Variants in RPS6KA2 observed in about 807,000 individuals in gnomAD.
The protein encoded by RPS6KA2 is ribosomal protein S6 kinase alpha-2.
In RPS6KA2, 42 loss-of-function variants were observed where a neutral mutation model predicts 91.8. The ratio of observed to expected loss-of-function variants is 0.46; its 90% CI spans 0.36 to 0.59. RPS6KA2 has a LOEUF of 0.59. Ranked by LOEUF, RPS6KA2 falls within the 20% of genes least tolerant of loss-of-function variation. RPS6KA2 has a pLI of 0.00. For synonymous variants in RPS6KA2, 414 were observed against 393.6 expected (o/e 1.05, Z -0.61); for missense variants, 798 against 978.5 (o/e 0.82, Z 2.46).
intron 2 of RPS6KA2, among the ~76,000 whole-genome samples, chr6:166,846,924 CT>C (rs1780621839): frequency 6.6e-6 from 1 of 152,114 alleles, no homozygotes. Context: ...CAAACTGTCA[CT>C]GTTTGCTGAT....
intron 12 of RPS6KA2, among the ~76,000 whole-genome samples, chr6:166,455,639 G>T (rs1780077986): frequency 6.6e-6 from 1 of 152,208 alleles, no homozygotes; most frequent in African/African-American, 2.4e-5. Context: ...TTTAGAAACT[G>T]AAATTCTGCA....
intron 2 of RPS6KA2, among the ~76,000 whole-genome samples, chr6:166,747,368 C>T (rs1008382105): frequency 6.6e-6 from 1 of 152,216 alleles, no homozygotes; most frequent in African/African-American, 2.4e-5. Context: ...CAGATACTGC[C>T]TGCCTCAAGG....
intron 1 of RPS6KA2, among the ~76,000 whole-genome samples, chr6:166,566,253 G>C (rs1253865464): frequency 6.6e-6 from 1 of 152,206 alleles, no homozygotes; most frequent in Non-Finnish European, 1.5e-5. Flanking sequence ...ATGGGGAAGA[G>C]CCTACATCGG....
chr6:166,501,687 A>G (rs1048126091), intron 6 of RPS6KA2, among the ~76,000 whole-genome samples: 1 of 152,322 alleles, frequency 6.6e-6, no homozygotes, highest in Admixed American at 6.5e-5. Flanking sequence ...CCTGAACATC[A>G]GGCGGGAGTC....
chr6:166,722,997 G>A (rs925777730), intron 2 of RPS6KA2, among the ~76,000 whole-genome samples: 4 of 152,212 alleles, frequency 2.6e-5, no homozygotes, highest in South Asian at 4.1e-4. Context: ...ACCGTTAAGC[G>A]ATGCAAGGTT....
chr6:166,775,850 A>C (rs1219325436), intron 2 of RPS6KA2, among the ~76,000 whole-genome samples: 1 of 152,246 alleles, frequency 6.6e-6, no homozygotes, highest in Admixed American at 6.5e-5. Context: ...GCAGAGACTG[A>C]GCGCAGGCAA....
intron 2 of RPS6KA2, among the ~76,000 whole-genome samples, chr6:166,537,160 T>C (rs892631487): frequency 6.6e-6 from 1 of 152,270 alleles, no homozygotes; most frequent in African/African-American, 2.4e-5. Flanking sequence ...TCCCTCCAGA[T>C]AAAGACGATT....
intron 2 of RPS6KA2, among the ~76,000 whole-genome samples, chr6:166,763,848 G>A (rs1465600410): frequency 1.3e-5 from 2 of 152,166 alleles, no homozygotes; most frequent in Non-Finnish European, 2.9e-5. Context: ...GCCTGTCCGT[G>A]TACCTCGAGA....
At chr6:166,670,401 A>T (rs1031783508) in intron 2 of RPS6KA2, among the ~76,000 whole-genome samples, 1 of 152,214 alleles carries the variant, frequency 6.6e-6, no homozygotes, top group African/African-American at 2.4e-5. Context: ...CTGCAGCCAC[A>T]CTTCTGCCCC....
intron 2 of RPS6KA2, among the ~76,000 whole-genome samples, chr6:166,685,893 A>T (rs937081490): frequency 4.6e-5 from 7 of 152,076 alleles, no homozygotes; most frequent in Non-Finnish European, 1.0e-4. Flanking sequence ...CCTACCATCG[A>T]GTGATCCCGC....
chr6:166,477,396 C>G (rs1781018795), intron 10 of RPS6KA2, among the ~76,000 whole-genome samples: 1 of 152,134 alleles, frequency 6.6e-6, no homozygotes, highest in Non-Finnish European at 1.5e-5. Context: ...CCATCTTTCT[C>G]TCATCCATAA....
intron 2 of RPS6KA2, among the ~76,000 whole-genome samples, chr6:166,664,760 A>G (rs1788268247): frequency 6.6e-6 from 1 of 152,238 alleles, no homozygotes; most frequent in Non-Finnish European, 1.5e-5. Context: ...ATATTCTATT[A>G]AGTGGTATTT....
intron 13 of RPS6KA2, among the ~76,000 whole-genome samples, chr6:166,450,852 G>A (rs1263063571): frequency 6.6e-6 from 1 of 151,896 alleles, no homozygotes; most frequent in Non-Finnish European, 1.5e-5. Context: ...CCCACAATGT[G>A]AGACCATCAC....
intron 2 of RPS6KA2, among the ~76,000 whole-genome samples, chr6:166,637,108 T>C (rs1183246664): frequency 2.0e-5 from 3 of 152,092 alleles, no homozygotes; most frequent in Non-Finnish European, 4.4e-5. Flanking sequence ...AGGATGACTT[T>C]GTGGGGCCCC....
intron 2 of RPS6KA2, among the ~76,000 whole-genome samples, chr6:166,787,282 T>C (rs1397994676): frequency 6.6e-6 from 1 of 152,206 alleles, no homozygotes; most frequent in African/African-American, 2.4e-5. Flanking sequence ...TAATAAATTA[T>C]GGTACAGCTA....
chr6:166,781,031 C>T (rs1051059331), intron 2 of RPS6KA2, among the ~76,000 whole-genome samples: 2 of 152,192 alleles, frequency 1.3e-5, no homozygotes, highest in Non-Finnish European at 2.9e-5. Flanking sequence ...AGTTCCTCTC[C>T]CAGCCTTTAA....
intron 1 of RPS6KA2, among the ~76,000 whole-genome samples, chr6:166,546,890 A>G (rs1020713958): frequency 6.6e-6 from 1 of 152,224 alleles, no homozygotes; most frequent in Admixed American, 6.5e-5. Context: ...GCACATCCCA[A>G]GAGTGCCCAG....
At chr6:166,843,965 G>A (rs1226232278) in intron 2 of RPS6KA2, among the ~76,000 whole-genome samples, 4 of 151,748 alleles carry the variant, frequency 2.6e-5, no homozygotes, top group African/African-American at 9.7e-5. Flanking sequence ...CAATTATTAA[G>A]CTACTTAAGG....
chr6:166,475,579 T>C (rs1014656143), intron 10 of RPS6KA2: 1 of 281,094 alleles, frequency 3.6e-6, no homozygotes, highest in South Asian at 3.5e-5. Context: ...CCCACTCAAA[T>C]AGATCAGTGG....
Sources: allele counts gnomAD v4.1 joint callset (sites outside exome capture counted in the v4.1 genomes callset), GRCh38; gene constraint gnomAD v4.1.1; transcripts MANE v1.5; gene names NCBI Gene and HGNC (gene_info 2026-07-23, HGNC 2026-07-21).